The following NRCAM variants were observed in gnomAD, a reference collection of about 807,000 sequenced individuals.
The protein encoded by NRCAM is neuronal cell adhesion molecule.
A neutral mutation model predicts 156.5 loss-of-function variants in NRCAM; 83 were observed. The observed-to-expected ratio is 0.53, with a 90% CI of 0.44 to 0.64. The LOEUF (loss-of-function observed/expected upper bound fraction) is 0.64. Among genes scored for constraint, NRCAM ranks in the 30% least tolerant of loss-of-function variants. NRCAM has a pLI of 0.00. For synonymous variants in NRCAM, 538 were observed against 563.9 expected (o/e 0.95, Z 0.65); for missense variants, 1,417 against 1,597.3 (o/e 0.89, Z 1.92).
intron 3 of NRCAM, among the ~76,000 whole-genome samples, chr7:108,282,204 A>G (rs2097885940): frequency 6.6e-6 from 1 of 152,254 alleles, no homozygotes; most frequent in Admixed American, 6.5e-5. Flanking sequence ...TAAAATTAAG[A>G]TTTCCAACAG....
At chr7:108,178,166 A>T in intron 25 of NRCAM, 54 bp from the exon 26 acceptor site, 3 of 1,578,098 alleles carry the variant, frequency 1.9e-6, no homozygotes, top group Non-Finnish European at 2.6e-6. Flanking sequence ...TTCAACATGT[A>T]TTAAATTGAC....
intron 3 of NRCAM, among the ~76,000 whole-genome samples, chr7:108,309,422 G>A (rs2098768367): frequency 6.6e-6 from 1 of 152,164 alleles, no homozygotes. Flanking sequence ...CTTTATTCAT[G>A]AGCTTTTAAT....
chr7:108,453,785 T>C (rs942212224), intron 1 of NRCAM, among the ~76,000 whole-genome samples: 9 of 152,338 alleles, frequency 5.9e-5, no homozygotes, highest in South Asian at 4.1e-4. Flanking sequence ...ATTCCAGAAA[T>C]AGCTGATTCC....
chr7:108,299,163 A>AAC (rs1316727313), intron 3 of NRCAM, among the ~76,000 whole-genome samples: 43 of 142,948 alleles, frequency 3.0e-4, no homozygotes, highest in Non-Finnish European at 5.2e-4. Context: ...AAAAAAAAAA[A>AAC]CCCAAAACAC....
At chr7:108,223,894 C>T (rs904203869) in intron 10 of NRCAM, 58 bp from the exon 11 acceptor site, 4 of 819,838 alleles carry the variant, frequency 4.9e-6, no homozygotes, top group African/African-American at 3.4e-5. Context: ...TCTATAAACA[C>T]TTCATTGTCA....
At chr7:108,270,749 C>T (rs572601584) in intron 3 of NRCAM, among the ~76,000 whole-genome samples, 1 of 152,184 alleles carries the variant, frequency 6.6e-6, no homozygotes, top group Non-Finnish European at 1.5e-5. Flanking sequence ...GAGGACATTA[C>T]GCCAAGTGAA....
Position 108,290,641 on chromosome 7 carries a change from C to T in NRCAM, c.-107+22024G>A, listed in dbSNP as rs139842106. On this transcript the variant is annotated intron_variant, in intron 3 of 32. Coordinates refer to ENST00000379028, the MANE Select transcript of NRCAM (RefSeq NM_001037132.4). The stretch of plus-strand genomic sequence containing the variant: ...CATGTGGTAATGTTTTTCTGAATGC[C>T]ATTTTACAGAACTTAAACAATAAAG... Among the ~76,000 whole-genome samples the T allele has an allele frequency of 2.4e-3, 360 of 152,058 alleles. 1 individual carries two copies. The highest frequency in any genetic ancestry group is 6.8e-3 in the Middle Eastern group (2 of 294).
chr7:108,283,212 C>T (rs1455386293), intron 3 of NRCAM, among the ~76,000 whole-genome samples: 1 of 152,212 alleles, frequency 6.6e-6, no homozygotes, highest in Admixed American at 6.5e-5. Flanking sequence ...TAGAATTCTT[C>T]AGATTGTTAG....
chr7:108,320,318 G>A (rs1429108278), intron 2 of NRCAM, among the ~76,000 whole-genome samples: 2 of 151,900 alleles, frequency 1.3e-5, no homozygotes, highest in Non-Finnish European at 2.9e-5. Context: ...AAATTATCTG[G>A]GCATGGTGGC....
intron 18 of NRCAM, among the ~76,000 whole-genome samples, 176 bp from the exon 19 acceptor site, chr7:108,191,459 A>G (rs879449742): frequency 3.9e-5 from 6 of 152,172 alleles, no homozygotes; most frequent in Non-Finnish European, 7.4e-5. Flanking sequence ...AAAAACCTTC[A>G]ATTTTAGATA....
intron 2 of NRCAM, among the ~76,000 whole-genome samples, chr7:108,390,929 T>C (rs1385209013): frequency 3.9e-5 from 6 of 152,236 alleles, no homozygotes; most frequent in African/African-American, 1.4e-4. Flanking sequence ...TGCACTGTGG[T>C]CTGAGAGACA....
At chr7:108,168,442 G>T in intron 28 of NRCAM, 40 bp from the exon 29 acceptor site, 1 of 1,542,652 alleles carries the variant, frequency 6.5e-7, no homozygotes, top group Non-Finnish European at 8.7e-7. Context: ...CAATCATATT[G>T]CAACACCATA....
chr7:108,279,564 G>C (rs763393867), intron 3 of NRCAM, among the ~76,000 whole-genome samples: 1 of 151,930 alleles, frequency 6.6e-6, no homozygotes, highest in Non-Finnish European at 1.5e-5. Context: ...CGTTACCCAG[G>C]CTGGAGTGCA....
intron 3 of NRCAM, among the ~76,000 whole-genome samples, chr7:108,247,472 G>C (rs13243979): frequency 0.15 from 23,155 of 151,516 alleles, 2,726 homozygotes; most frequent in East Asian, 0.56. Flanking sequence ...TGTTGGTGCA[G>C]CCAAAGGGCA....
At chr7:108,281,599 G>T (rs1181780621) in intron 3 of NRCAM, among the ~76,000 whole-genome samples, 1 of 152,210 alleles carries the variant, frequency 6.6e-6, no homozygotes, top group Non-Finnish European at 1.5e-5. Flanking sequence ...CTGCCCAGGA[G>T]CTAAGGGAGG....
At chr7:108,323,847 G>A (rs978391582) in intron 2 of NRCAM, among the ~76,000 whole-genome samples, 1 of 152,126 alleles carries the variant, frequency 6.6e-6, no homozygotes, top group South Asian at 2.1e-4. Context: ...AACCTTCTTG[G>A]AAGGTGTAAT....
At chr7:108,245,843 G>A (rs2095871945) in intron 3 of NRCAM, among the ~76,000 whole-genome samples, 1 of 152,162 alleles carries the variant, frequency 6.6e-6, no homozygotes, top group African/African-American at 2.4e-5. Context: ...TCTGAATACA[G>A]GATTTTTCAC....
intron 3 of NRCAM, among the ~76,000 whole-genome samples, chr7:108,251,612 G>A (rs901144207): frequency 2.6e-5 from 4 of 152,214 alleles, no homozygotes; most frequent in African/African-American, 9.6e-5. Flanking sequence ...TAGATCCTTT[G>A]AGGCTGCTGG....
At chr7:108,182,049 T>G in intron 23 of NRCAM, 112 bp from the exon 24 acceptor site, 1 of 708,320 alleles carries the variant, frequency 1.4e-6, no homozygotes, top group Non-Finnish European at 2.4e-6. Context: ...ACCTATTCTA[T>G]GGATTATTAA....
Sources: gnomAD v4.1 joint callset for allele counts (sites outside exome capture counted in the v4.1 genomes callset) on GRCh38, gnomAD v4.1.1 for gene constraint, MANE v1.5 for transcripts, NCBI Gene and HGNC (gene_info 2026-07-23, HGNC 2026-07-21) for gene names.